The following SAMMSON variants were observed in gnomAD, a reference collection of about 807,000 sequenced individuals.
The protein encoded by SAMMSON is survival associated mitochondrial melanoma specific oncogenic non-coding RNA.
chr3:70,262,246 G>A (rs140419161), intron 6 of SAMMSON, among the ~76,000 whole-genome samples: 3 of 152,150 alleles, frequency 2.0e-5, no homozygotes, highest in African/African-American at 2.4e-5. Flanking sequence ...TACCAATAAC[G>A]TGAGACTGAA....
rs148889321 is a variant in SAMMSON at position 70,399,272 on chromosome 3, C to T, written n.233+40948C>T. 3.9e-5 allele frequency among the ~76,000 whole-genome samples: 6 copies of T among 152,226 alleles called. No homozygotes were observed. In the East Asian group the frequency reaches 9.7e-4, roughly 25 times the overall value. On this transcript the variant is annotated intron_variant and non_coding_transcript_variant, in intron 2 of 3. Transcript: ENST00000641053. The stretch of plus-strand genomic sequence containing the variant: ...GTGGGCAAATTCCAGTTGTATACTC[C>T]TAAGCAAATTGTTTAAATGATCTGA...
intron 7 of SAMMSON, among the ~76,000 whole-genome samples, chr3:70,327,642 A>G (rs1702589084): frequency 6.6e-6 from 1 of 152,336 alleles, no homozygotes; most frequent in East Asian, 1.9e-4. Flanking sequence ...GGAGAACCAC[A>G]GCCAGAGCTC....
intron 7 of SAMMSON, chr3:70,291,375 CTGT>C (rs1468651480): frequency 6.6e-6 from 1 of 152,058 alleles, no homozygotes; most frequent in Non-Finnish European, 1.5e-5. Flanking sequence ...TATATGAATA[CTGT>C]TATCATTACG....
At chr3:70,038,627 G>A (rs2067095148) in intron 3 of SAMMSON, among the ~76,000 whole-genome samples, 2 of 152,130 alleles carry the variant, frequency 1.3e-5, no homozygotes. Context: ...GAAGGTTGAG[G>A]TAACTGTTAT....
chr3:70,086,414 T>C (rs964404087), intron 4 of SAMMSON, among the ~76,000 whole-genome samples: 1 of 152,254 alleles, frequency 6.6e-6, no homozygotes, highest in Admixed American at 6.5e-5. Context: ...ATAAAATACA[T>C]GCAAAGATAG....
chr3:70,361,529 C>A (rs952272453), intron 9 of SAMMSON, among the ~76,000 whole-genome samples: 6 of 152,194 alleles, frequency 3.9e-5, no homozygotes, highest in African/African-American at 1.4e-4. Context: ...TCCCCACTCT[C>A]ATCTCGCTGC....
intron 7 of SAMMSON, among the ~76,000 whole-genome samples, chr3:70,293,963 A>T (rs1286406120): frequency 6.6e-6 from 1 of 152,092 alleles, no homozygotes; most frequent in Non-Finnish European, 1.5e-5. Context: ...GGAGCATACA[A>T]GCAGAAGCTC....
intron 4 of SAMMSON, among the ~76,000 whole-genome samples, chr3:70,124,551 G>T (rs1232915844): frequency 2.0e-5 from 3 of 152,046 alleles, no homozygotes; most frequent in African/African-American, 7.2e-5. Context: ...CGTGGCTCAC[G>T]CCTGTAATCC....
chr3:70,122,710 A>T (rs1013728838), intron 4 of SAMMSON, among the ~76,000 whole-genome samples: 1 of 152,250 alleles, frequency 6.6e-6, no homozygotes, highest in African/African-American at 2.4e-5. Flanking sequence ...TATTCCTTAA[A>T]TTGTTTCTAG....
At chr3:70,434,588 A>G (rs1701445077) in intron 2 of SAMMSON, among the ~76,000 whole-genome samples, 1 of 152,014 alleles carries the variant, frequency 6.6e-6, no homozygotes. Flanking sequence ...TTCCTTCCCA[A>G]ACTATGTATG....
chr3:70,348,144 G>C (rs1403752489), intron 7 of SAMMSON, among the ~76,000 whole-genome samples: 1 of 152,156 alleles, frequency 6.6e-6, no homozygotes, highest in Admixed American at 6.5e-5. Flanking sequence ...AAATAGGGTA[G>C]GGGAGAGAAG....
At position 70,126,255 on chromosome 3, in the gene SAMMSON, CTT is replaced by C. The variant is rs34272654; in HGVS notation, n.507+54704_507+54705del. The stretch of plus-strand genomic sequence containing the variant: ...ATCGTCTTCAACAGGGTCATCAGAC[CTT>C]TTTTTTTTTTTTTCAGAGACTGGAG... On this transcript the variant is annotated intron_variant and non_coding_transcript_variant, in intron 4 of 9. Coordinates refer to ENST00000642114, the Ensembl canonical transcript of SAMMSON. The C allele has an allele frequency of 7.0e-3, 5,821 of 827,394 alleles. 1 individual carries two copies. Among genetic ancestry groups the C allele is most frequent in the East Asian group, 0.013 (453 of 34,948 alleles). The allele number at this position is 827,394 out of a possible 1,614,324, so 51.3% of individuals were successfully genotyped here.
At chr3:70,024,472 A>G (rs1428319059) in intron 3 of SAMMSON, among the ~76,000 whole-genome samples, 2 of 152,322 alleles carry the variant, frequency 1.3e-5, no homozygotes, top group East Asian at 3.9e-4. Context: ...TATACCACCA[A>G]ATGAAATGTA....
chr3:70,268,539 A>T, intron 6 of SAMMSON, among the ~76,000 whole-genome samples: 1 of 151,522 alleles, frequency 6.6e-6, no homozygotes, highest in East Asian at 1.9e-4. Flanking sequence ...ATAAACCTAC[A>T]CTGACACATC....
intron 4 of SAMMSON, among the ~76,000 whole-genome samples, chr3:70,178,623 G>A (rs897131625): frequency 1.3e-5 from 2 of 152,168 alleles, no homozygotes; most frequent in South Asian, 2.1e-4. Flanking sequence ...ATACCACTGC[G>A]GAGGCATTTA....
intron 1 of SAMMSON, among the ~76,000 whole-genome samples, chr3:70,001,421 A>C (rs2066905231): frequency 6.6e-6 from 1 of 151,246 alleles, no homozygotes; most frequent in African/African-American, 2.4e-5. Context: ...TTAGGGCCTA[A>C]TGGGAGATAC....
chr3:70,124,541 C>T (rs183759494), intron 4 of SAMMSON, among the ~76,000 whole-genome samples: 119 of 151,974 alleles, frequency 7.8e-4, no homozygotes, highest in South Asian at 5.8e-3. Flanking sequence ...GGCCGAGTAC[C>T]GTGGCTCACG....
chr3:70,257,342 G>T (rs758597159), intron 6 of SAMMSON, among the ~76,000 whole-genome samples: 27 of 152,112 alleles, frequency 1.8e-4, no homozygotes, highest in Non-Finnish European at 3.7e-4. Context: ...TTTGGATCAT[G>T]GGTTTTAAGG....
At chr3:70,226,576 A>AAAAATAC (rs1360718396) in intron 4 of SAMMSON, among the ~76,000 whole-genome samples, 1 of 151,980 alleles carries the variant, frequency 6.6e-6, no homozygotes, top group Non-Finnish European at 1.5e-5. Flanking sequence ...TGTCTCTATT[A>AAAAATAC]AAAATACAAA....
Sources: allele counts gnomAD v4.1 joint callset (sites outside exome capture counted in the v4.1 genomes callset), GRCh38; gene constraint gnomAD v4.1.1; transcripts MANE v1.5; gene names NCBI Gene and HGNC (gene_info 2026-07-23, HGNC 2026-07-21).